COG6: variants seen among roughly 807,000 people sequenced by gnomAD.
COG6 encodes conserved oligomeric Golgi complex subunit 6.
COG6 carries 74 observed loss-of-function variants against 88.8 expected under a neutral mutation model. The ratio of observed to expected loss-of-function variants is 0.83; its 90% CI spans 0.69 to 1.01. The LOEUF is 1.01. COG6 is among the 50% of genes least tolerant of loss of function. The probability of loss-of-function intolerance (pLI) is 0.00; values close to 1 mark genes in which losing one functional copy is unlikely to be tolerated. For missense variants in COG6, 800 were observed against 797.9 expected, an observed-to-expected ratio of 1.00 and a Z score of -0.03; for synonymous variants, 286 against 278.7, an observed-to-expected ratio of 1.03 and a Z score of -0.26.
At position 39,655,806 on chromosome 13, in the gene COG6, C is replaced by T. The variant is rs776763438; in HGVS notation, c.80C>T (p.Thr27Ile). The T allele has an allele frequency of 1.6e-5, 25 of 1,599,160 alleles. No homozygotes were observed. In the African/African-American group the frequency reaches 2.7e-4, roughly 17 times the overall value. The change falls in exon 1 of 19, where the codon ACC becomes ATC. Residue 27 changes from threonine to isoleucine, a missense_variant. Thr to Ile is a moderately conservative substitution (Grantham distance 89). Transcript: ENST00000455146. ...ANGLNNGAGG[T>I]SATTCNPLSR... ...GGCCTCAACAATGGGGCAGGCGGGA[C>T]CTCGGCGACGACCTGCAACCCGCTG...
intron 1 of COG6, among the ~76,000 whole-genome samples, chr13:39,656,516 A>G (rs890874278): frequency 3.3e-5 from 5 of 151,830 alleles, no homozygotes; most frequent in Middle Eastern, 3.4e-3. Flanking sequence ...CCTGAAACTT[A>G]AGTTGGACTT....
chr13:39,675,761 A>G (rs1875931339), intron 4 of COG6, among the ~76,000 whole-genome samples: 1 of 152,100 alleles, frequency 6.6e-6, no homozygotes, highest in Non-Finnish European at 1.5e-5. Context: ...AGATAGATCC[A>G]AAAAAGCTCC....
intron 18 of COG6, among the ~76,000 whole-genome samples, chr13:39,739,139 G>T (rs541294706): frequency 8.3e-4 from 126 of 152,072 alleles, no homozygotes; most frequent in African/African-American, 2.9e-3. Flanking sequence ...AAGGAAATAA[G>T]AAATCCTAAG....
intron 15 of COG6, among the ~76,000 whole-genome samples, chr13:39,721,746 A>G (rs941567001): frequency 1.3e-5 from 2 of 152,076 alleles, no homozygotes; most frequent in African/African-American, 4.8e-5. Flanking sequence ...GACCTTTACT[A>G]CCAATAACCT....
chr13:39,780,497 A>G (rs1332590482), intron 18 of COG6, among the ~76,000 whole-genome samples: 2 of 152,176 alleles, frequency 1.3e-5, no homozygotes, highest in Non-Finnish European at 2.9e-5. Context: ...AAAAAATACT[A>G]TTTTTGGCCT....
chr13:39,687,994 T>A (rs946481567), intron 10 of COG6, among the ~76,000 whole-genome samples, 195 bp downstream of exon 10: 3 of 152,218 alleles, frequency 2.0e-5, no homozygotes, highest in African/African-American at 7.2e-5. Flanking sequence ...CTTTGTCCTG[T>A]CACTCAACTG....
rs1566167320 is a variant in COG6, at chr13:39,659,396, C to T, written c.186C>T (p.Thr62=). The change falls in exon 2 of 19, where the codon ACC becomes ACT. Residue 62 remains threonine, a synonymous_variant. Transcript: ENST00000455146. Reference sequence around the variant, plus strand: ...TAGAAGCTCTCAAGGCACTTTCAACCTTTTTTGTTGAAAATAGTCTGCGGA... The same window carrying T: ...TAGAAGCTCTCAAGGCACTTTCAACTTTTTTTGTTGAAAATAGTCTGCGGA... ...EMLEALKALS[T]FFVENSLRTR... The T allele has an allele frequency of 6.2e-7, 1 of 1,613,436 alleles. No individual in the cohort carries two copies. The highest frequency in any genetic ancestry group is 8.5e-7 in the Non-Finnish European group (1 of 1,179,618).
At chr13:39,729,069 A>G (rs1879296456) in intron 18 of COG6, among the ~76,000 whole-genome samples, 1 of 152,342 alleles carries the variant, frequency 6.6e-6, no homozygotes, top group African/African-American at 2.4e-5. Context: ...ATGTCACTAC[A>G]TGTGAAATAT....
intron 8 of COG6, 91 bp from the exon 9 acceptor site, chr13:39,687,412 A>G (rs1409703216): frequency 3.4e-6 from 4 of 1,174,816 alleles, no homozygotes; most frequent in Non-Finnish European, 5.1e-6. Context: ...GTGCTTTTTA[A>G]GTACTTGGTT....
intron 3 of COG6, among the ~76,000 whole-genome samples, chr13:39,661,120 G>A (rs745807251): frequency 3.3e-5 from 5 of 152,060 alleles, no homozygotes; most frequent in Non-Finnish European, 5.9e-5. Flanking sequence ...AGCTAACTAC[G>A]TAGAATTTTG....
chr13:39,769,112 C>T (rs549684888), intron 18 of COG6, among the ~76,000 whole-genome samples: 4 of 147,200 alleles, frequency 2.7e-5, no homozygotes, highest in Non-Finnish European at 6.0e-5. Context: ...AAGTTAGTCA[C>T]CCTCCTGTCA....
At chr13:39,665,524 A>G (rs998402148) in intron 4 of COG6, among the ~76,000 whole-genome samples, 1 of 152,186 alleles carries the variant, frequency 6.6e-6, no homozygotes, top group African/African-American at 2.4e-5. Flanking sequence ...CCTCTCTGGT[A>G]TAATTAAGAG....
intron 13 of COG6, among the ~76,000 whole-genome samples, chr13:39,710,857 A>G (rs1878200493): frequency 6.9e-6 from 1 of 145,170 alleles, no homozygotes; most frequent in African/African-American, 2.5e-5. Flanking sequence ...TTTTTTTTTG[A>G]CATTAGCTTT....
chr13:39,656,700 A>T (rs900716550), intron 1 of COG6: 24 of 368,580 alleles, frequency 6.5e-5, no homozygotes, highest in Non-Finnish European at 9.1e-5. Context: ...ATATGTAAAA[A>T]AATAACATTG....
chr13:39,740,748 G>A (rs1880001104), intron 18 of COG6, among the ~76,000 whole-genome samples: 1 of 152,118 alleles, frequency 6.6e-6, no homozygotes, highest in African/African-American at 2.4e-5. Context: ...ATGAAAAATT[G>A]TCTTGACCCA....
rs565437729 is a variant in COG6 at position 39,780,630 on chromosome 13, ACT to A, written c.1827-7703_1827-7702del. ...ATAAATGCTTGTATGTTTTATAAACACTCCTATTATTTAGGGAGGTCTGAGGG... is the reference window on the plus strand; with the variant it reads ...ATAAATGCTTGTATGTTTTATAAACACCTATTATTTAGGGAGGTCTGAGGG... On this transcript the variant is annotated intron_variant, in intron 18 of 18. Coordinates refer to the COG6 transcript ENST00000416691. Among the ~76,000 whole-genome samples the A allele has an allele frequency of 5.3e-5, 8 of 152,232 alleles. 1 individual carries two copies. In the South Asian group the frequency reaches 1.7e-3, roughly 32 times the overall value.
At chr13:39,704,383 T>C (rs1213512741) in intron 13 of COG6, among the ~76,000 whole-genome samples, 1 of 152,206 alleles carries the variant, frequency 6.6e-6, no homozygotes, top group Non-Finnish European at 1.5e-5. Flanking sequence ...CATTTTTTGT[T>C]GTATGTATTA....
At chr13:39,759,368 A>G (rs1334512334) in intron 18 of COG6, among the ~76,000 whole-genome samples, 3 of 152,176 alleles carry the variant, frequency 2.0e-5, no homozygotes. Flanking sequence ...ACCTGGTGAT[A>G]GTACTGATAT....
chr13:39,695,815 A>G (rs866908780), intron 12 of COG6, among the ~76,000 whole-genome samples: 8 of 151,998 alleles, frequency 5.3e-5, no homozygotes, highest in Admixed American at 2.0e-4. Flanking sequence ...TCATTCCCAT[A>G]ATTCAAAAGC....
Sources: allele counts gnomAD v4.1 joint callset (sites outside exome capture counted in the v4.1 genomes callset), GRCh38; gene constraint gnomAD v4.1.1; transcripts MANE v1.5; gene names NCBI Gene and HGNC (gene_info 2026-07-23, HGNC 2026-07-21).